The following PTK2 variants were observed in gnomAD, a reference collection of about 807,000 sequenced individuals.
PTK2 encodes focal adhesion kinase 1.
Under a neutral mutation model 150.1 loss-of-function variants are expected in PTK2, and 45 were observed. That is an observed-to-expected ratio of 0.30 (90% confidence interval 0.24 to 0.38). The LOEUF (loss-of-function observed/expected upper bound fraction) is 0.38. Ranked by LOEUF, PTK2 falls within the 10% of genes least tolerant of loss-of-function variation. The pLI, the probability that PTK2 is intolerant of heterozygous loss-of-function variation, is 1.00. For missense variants in PTK2, 919 were observed against 1,307.3 expected (o/e 0.70, Z 4.58); for synonymous variants, 432 against 449.2 (o/e 0.96, Z 0.48).
chr8:140,710,951 T>C (rs2100036475), intron 23 of PTK2, among the ~76,000 whole-genome samples: 2 of 152,160 alleles, frequency 1.3e-5, no homozygotes, highest in African/African-American at 2.4e-5. Context: ...CTTCTTTCTT[T>C]TGTTTTGAGA....
chr8:140,759,551 A>AG (rs1554920188), intron 16 of PTK2, among the ~76,000 whole-genome samples: 13 of 150,576 alleles, frequency 8.6e-5, no homozygotes, highest in Admixed American at 4.6e-4. Flanking sequence ...AAAAAAAAAA[A>AG]AAAGAAAGAA....
At chr8:140,733,581 A>C (rs2100050800) in intron 22 of PTK2, among the ~76,000 whole-genome samples, 1 of 152,184 alleles carries the variant, frequency 6.6e-6, no homozygotes, top group African/African-American at 2.4e-5. Flanking sequence ...TCCTGAGGAA[A>C]GATCAAGGAG....
chr8:140,916,224 G>A (rs1359297971), intron 2 of PTK2, among the ~76,000 whole-genome samples: 1 of 152,212 alleles, frequency 6.6e-6, no homozygotes, highest in Non-Finnish European at 1.5e-5. Flanking sequence ...CTCCTCTCAT[G>A]GAGCTATTTT....
intron 7 of PTK2, among the ~76,000 whole-genome samples, chr8:140,844,490 T>C (rs916729716): frequency 6.6e-6 from 1 of 152,222 alleles, no homozygotes; most frequent in African/African-American, 2.4e-5. Flanking sequence ...AATTTATACT[T>C]TGGGTTACAA....
chr8:140,968,770 T>TA (rs576797269), intron 1 of PTK2, among the ~76,000 whole-genome samples: 81 of 152,324 alleles, frequency 5.3e-4, no homozygotes, highest in Non-Finnish European at 7.8e-4. Context: ...TATCATGATA[T>TA]ATGGTAAGGG....
At chr8:140,734,048 T>C (rs772268677) in intron 22 of PTK2, among the ~76,000 whole-genome samples, 2 of 152,220 alleles carry the variant, frequency 1.3e-5, no homozygotes, top group African/African-American at 2.4e-5. Context: ...TGCTTCTACC[T>C]ATAGGTCTTA....
At chr8:140,673,127 A>T (rs1329137065) in intron 29 of PTK2, among the ~76,000 whole-genome samples, 1 of 150,260 alleles carries the variant, frequency 6.7e-6, no homozygotes, top group African/African-American at 2.5e-5. Flanking sequence ...TTTAACCTCG[A>T]GACGGAATCT....
chr8:140,963,199 A>T (rs1410253213), intron 1 of PTK2, among the ~76,000 whole-genome samples: 1 of 152,120 alleles, frequency 6.6e-6, no homozygotes, highest in African/African-American at 2.4e-5. Flanking sequence ...TTATAATAGC[A>T]TCTCCTCTTA....
intron 2 of PTK2, among the ~76,000 whole-genome samples, chr8:140,907,208 T>C (rs2100161256): frequency 1.3e-5 from 2 of 152,250 alleles, no homozygotes; most frequent in Non-Finnish European, 2.9e-5. Context: ...AACTGTTGAA[T>C]AACCACTCTA....
intron 14 of PTK2, among the ~76,000 whole-genome samples, chr8:140,779,037 G>A (rs1308018942): frequency 6.6e-6 from 1 of 151,988 alleles, no homozygotes; most frequent in Non-Finnish European, 1.5e-5. Context: ...AAGGAGGGCA[G>A]ATCACTTGAG....
intron 1 of PTK2, among the ~76,000 whole-genome samples, chr8:140,927,737 C>T (rs2100170004): frequency 6.6e-6 from 1 of 151,604 alleles, no homozygotes; most frequent in African/African-American, 2.4e-5. Flanking sequence ...AGGTGGATGA[C>T]CTGAGATCAG....
At chr8:140,839,093 G>C (rs2100120666) in intron 7 of PTK2, among the ~76,000 whole-genome samples, 1 of 152,108 alleles carries the variant, frequency 6.6e-6, no homozygotes, top group African/African-American at 2.4e-5. Flanking sequence ...AGAATGTTTA[G>C]GCAACAGGGT....
chr8:140,694,807 A>G (rs756410409), intron 26 of PTK2, among the ~76,000 whole-genome samples: 8 of 152,190 alleles, frequency 5.3e-5, no homozygotes, highest in Non-Finnish European at 1.0e-4. Flanking sequence ...TCTCTTCACC[A>G]AATTAAGGAC....
chr8:140,889,785 A>G (rs944075501), intron 3 of PTK2, among the ~76,000 whole-genome samples: 2 of 152,212 alleles, frequency 1.3e-5, no homozygotes, highest in Non-Finnish European at 2.9e-5. Flanking sequence ...ACATTTAAAT[A>G]CTGAACTCAG....
intron 7 of PTK2, among the ~76,000 whole-genome samples, chr8:140,834,720 G>A (rs913321933): frequency 6.6e-6 from 1 of 152,136 alleles, no homozygotes; most frequent in African/African-American, 2.4e-5. Context: ...TATAAGATAA[G>A]AGTTTAAAAC....
chr8:140,957,387 G>A (rs1173247294), intron 1 of PTK2, among the ~76,000 whole-genome samples: 1 of 152,130 alleles, frequency 6.6e-6, no homozygotes, highest in Non-Finnish European at 1.5e-5. Context: ...TGTACAATGT[G>A]CCTCTGTTGT....
intron 22 of PTK2, 38 bp from the exon 26 acceptor site, chr8:140,717,747 C>T (rs890604319): frequency 6.4e-7 from 1 of 1,557,138 alleles, no homozygotes; most frequent in Non-Finnish European, 8.9e-7. Context: ...GAGCTGACAA[C>T]CCAGAGTTAG....
chr8:140,738,431 T>C (rs996288747), intron 21 of PTK2, among the ~76,000 whole-genome samples: 8 of 152,188 alleles, frequency 5.3e-5, no homozygotes, highest in Non-Finnish European at 2.9e-5. Context: ...GCCACACTTC[T>C]ACACCAGCTA....
At chr8:140,838,061 CA>C (rs113331490) in intron 7 of PTK2, among the ~76,000 whole-genome samples, 4 of 145,880 alleles carry the variant, frequency 2.7e-5, no homozygotes, top group Non-Finnish European at 3.0e-5. Context: ...GACTCCATCT[CA>C]AAAAAAAAAG....
Sources: gnomAD v4.1 joint callset for allele counts (sites outside exome capture counted in the v4.1 genomes callset) on GRCh38, gnomAD v4.1.1 for gene constraint, MANE v1.5 for transcripts, NCBI Gene and HGNC (gene_info 2026-07-23, HGNC 2026-07-21) for gene names.